LIN52: variants seen among roughly 807,000 people sequenced by gnomAD.
LIN52 encodes lin-52 DREAM MuvB core complex component.
LIN52 carries 4 observed loss-of-function variants against 18.5 expected under a neutral mutation model. The observed-to-expected ratio is 0.22, with a 90% CI of 0.11 to 0.49. LIN52 has a LOEUF of 0.49. Among genes scored for constraint, LIN52 ranks in the 20% least tolerant of loss-of-function variants. The pLI, the probability that LIN52 is intolerant of heterozygous loss-of-function variation, is 0.97. For missense variants in LIN52, 102 were observed against 139.5 expected, an observed-to-expected ratio of 0.73 and a Z score of 1.35; for synonymous variants, 34 against 45.5, an observed-to-expected ratio of 0.75 and a Z score of 1.02.
At chr14:74,148,800 C>T (rs1194702393) in intron 5 of LIN52, among the ~76,000 whole-genome samples, 1 of 152,034 alleles carries the variant, frequency 6.6e-6, no homozygotes, top group Non-Finnish European at 1.5e-5. Flanking sequence ...GTTAAGGGGG[C>T]GAAGTAACTT....
chr14:74,181,107 C>CAAA (rs149099646), intron 5 of LIN52, among the ~76,000 whole-genome samples: 3 of 96,118 alleles, frequency 3.1e-5, no homozygotes, highest in Non-Finnish European at 3.9e-5. Flanking sequence ...GACTCTGTCT[C>CAAA]AAAAAAAAAA....
At chr14:74,093,983 CAA>C (rs1204550417) in intron 2 of LIN52, among the ~76,000 whole-genome samples, 17 of 86,700 alleles carry the variant, frequency 2.0e-4, no homozygotes, top group Admixed American at 2.4e-4. Flanking sequence ...AACTCTGTCT[CAA>C]AAAAAAAAAA....
At chr14:74,087,413 CAAAAAA>C (rs59052804) in intron 1 of LIN52, among the ~76,000 whole-genome samples, 14 of 100,238 alleles carry the variant, frequency 1.4e-4, no homozygotes, top group Non-Finnish European at 2.0e-4. Context: ...GACTCCATTG[CAAAAAA>C]AAAAAAAAAA....
At chr14:74,160,302 G>A (rs1013636650) in intron 5 of LIN52, among the ~76,000 whole-genome samples, 5 of 152,142 alleles carry the variant, frequency 3.3e-5, no homozygotes, top group Non-Finnish European at 7.4e-5. Flanking sequence ...CAGAAGGAAT[G>A]GACAATTCTA....
In LIN52 at chr14:74,181,383, C is replaced by T. The variant is rs557671795; in HGVS notation, c.284-17539C>T. Among the ~76,000 whole-genome samples the T allele has an allele frequency of 4.7e-5, 7 of 149,424 alleles. 1 individual carries two copies. In the South Asian group the frequency reaches 1.3e-3, roughly 27 times the overall value. On this transcript the variant is annotated intron_variant, in intron 5 of 5. Transcript: ENST00000555028. ...TGAGCCTAGGAGGTTGAGGCTGCAG[C>T]GAGCCATGATCACACCAGTGCCCTC... is the stretch of plus-strand genomic sequence containing the variant.
chr14:74,147,880 ATTGGTTGCACAGTGATGCAAACACAC>A (rs1252614075), intron 5 of LIN52, among the ~76,000 whole-genome samples: 1 of 152,162 alleles, frequency 6.6e-6, no homozygotes, highest in Non-Finnish European at 1.5e-5. Context: ...AGTTCTGGAG[ATTGGTTGCACAGTGATGCAAACACAC>A]TTAATGCCAC....
chr14:74,102,591 A>G (rs2060865609), intron 5 of LIN52, among the ~76,000 whole-genome samples: 1 of 152,258 alleles, frequency 6.6e-6, no homozygotes, highest in Admixed American at 6.5e-5. Context: ...TGTGATTAGT[A>G]AATTCATGAA....
intron 5 of LIN52, among the ~76,000 whole-genome samples, chr14:74,108,636 A>G (rs962115685): frequency 1.3e-5 from 2 of 152,162 alleles, no homozygotes; most frequent in African/African-American, 4.8e-5. Flanking sequence ...GCATTTGTCT[A>G]GTAATAATGG....
chr14:74,111,457 T>G (rs1163762053), intron 5 of LIN52, among the ~76,000 whole-genome samples: 1 of 36,010 alleles, frequency 2.8e-5, no homozygotes, highest in Non-Finnish European at 5.5e-5. Context: ...CCTGACTGAT[T>G]TTTTTTTTTT....
At chr14:74,118,592 G>A (rs890076050) in intron 5 of LIN52, among the ~76,000 whole-genome samples, 2 of 152,020 alleles carry the variant, frequency 1.3e-5, no homozygotes, top group African/African-American at 4.8e-5. Context: ...TGGGCAACAT[G>A]ATAAAATCCA....
intron 5 of LIN52, among the ~76,000 whole-genome samples, chr14:74,167,844 T>TTA (rs1472972309): frequency 6.6e-6 from 1 of 152,178 alleles, no homozygotes; most frequent in East Asian, 1.9e-4. Flanking sequence ...CTTCCTTTCT[T>TTA]TTACTTACAG....
At chr14:74,130,278 G>GTTTTTTTTTTTGTTTTTTTTTTTTTTTT (rs2061055285) in intron 5 of LIN52, among the ~76,000 whole-genome samples, 15 of 64,822 alleles carry the variant, frequency 2.3e-4, no homozygotes, top group East Asian at 4.6e-4. Flanking sequence ...GCATTTTTTG[G>GTTTTTTTTTTTGTTTTTTTTTTTTTTTT]TTTTTTTTTT....
At chr14:74,124,620 G>A (rs2061017587) in intron 5 of LIN52, among the ~76,000 whole-genome samples, 1 of 151,926 alleles carries the variant, frequency 6.6e-6, no homozygotes, top group Admixed American at 6.6e-5. Context: ...AGACCAGCCT[G>A]GGCAACATGA....
chr14:74,105,085 T>C (rs2060888206), intron 5 of LIN52, among the ~76,000 whole-genome samples: 1 of 152,250 alleles, frequency 6.6e-6, no homozygotes, highest in South Asian at 2.1e-4. Flanking sequence ...TTTCTTTCTT[T>C]ATTAGTTTTC....
At chr14:74,121,819 G>A (rs190308024) in intron 5 of LIN52, among the ~76,000 whole-genome samples, 1 of 151,632 alleles carries the variant, frequency 6.6e-6, no homozygotes, top group Non-Finnish European at 1.5e-5. Flanking sequence ...TGCCTCCCGG[G>A]TTCAAGTGAT....
chr14:74,114,510 C>G (rs150248645), intron 5 of LIN52: 1 of 783,066 alleles, frequency 1.3e-6, no homozygotes, highest in African/African-American at 1.9e-5. Flanking sequence ...GGGGATGTTA[C>G]GGGATAAGCT....
At chr14:74,195,543 GGTGTGTGTGTGTATGTGTGT>G (rs1336070509) in intron 5 of LIN52, among the ~76,000 whole-genome samples, 112 of 102,132 alleles carry the variant, frequency 1.1e-3, no homozygotes, top group African/African-American at 3.7e-3. Flanking sequence ...GGTGTGTGTG[GGTGTGTGTGTGTATGTGTGT>G]GTGTGTGTGT....
intron 5 of LIN52, 133 bp from the exon 6 acceptor site, chr14:74,198,789 G>A: frequency 1.5e-6 from 1 of 679,268 alleles, no homozygotes; most frequent in Non-Finnish European, 2.6e-6. Context: ...GTTAGTTGGT[G>A]ATGATTGAAT....
chr14:74,135,845 A>G (rs1197197804), intron 5 of LIN52, among the ~76,000 whole-genome samples: 1 of 150,910 alleles, frequency 6.6e-6, no homozygotes, highest in East Asian at 1.9e-4. Flanking sequence ...TCCTTAAAAC[A>G]TTTTTTTTAA....
Sources: allele counts gnomAD v4.1 joint callset (sites outside exome capture counted in the v4.1 genomes callset), GRCh38; gene constraint gnomAD v4.1.1; transcripts MANE v1.5; gene names NCBI Gene and HGNC (gene_info 2026-07-23, HGNC 2026-07-21).